SASS6: variants seen among roughly 807,000 people sequenced by gnomAD.
The protein encoded by SASS6 is spindle assembly abnormal protein 6 homolog.
A neutral mutation model predicts 94.9 loss-of-function variants in SASS6; 59 were observed. The ratio of observed to expected loss-of-function variants is 0.62; its 90% CI spans 0.50 to 0.77. The LOEUF is 0.77. Ranked by LOEUF, SASS6 falls within the 30% of genes least tolerant of loss-of-function variation. SASS6 has a pLI of 0.00. For synonymous variants in SASS6, 264 were observed against 270.0 expected (o/e 0.98, Z 0.22); for missense variants, 698 against 734.1 (o/e 0.95, Z 0.57).
At chr1:100,114,379 T>C (rs1206675560) in intron 7 of SASS6, among the ~76,000 whole-genome samples, 1 of 151,862 alleles carries the variant, frequency 6.6e-6, no homozygotes, top group African/African-American at 2.4e-5. Context: ...ATGTCACTTA[T>C]GAATATAAAT....
chr1:100,123,224 C>T lies in SASS6; in HGVS notation c.192G>A (p.Glu64=). The T allele has an allele frequency of 6.9e-7, 1 of 1,454,820 alleles. No homozygotes were observed. The highest frequency in any genetic ancestry group is 9.5e-7 in the Non-Finnish European group (1 of 1,052,116). 90.1% of individuals were successfully genotyped at this position (1,454,820 alleles called of 1,614,324 possible). The part of the protein sequence containing the change: ...PFFLYNLVIS[E]EDFQSLKFQQ... ...AATTTAGTTACCTTTGAAAATCTTC[C>T]TCAGATATAACAAGGTTATATAAAA... is the stretch of plus-strand genomic sequence containing the variant. The change falls in exon 3 of 17, where the codon GAG becomes GAA. Residue 64 remains glutamate, a synonymous_variant. Coordinates refer to ENST00000287482, the MANE Select transcript of SASS6 (RefSeq NM_194292.3).
At chr1:100,092,921 A>C (rs1261860335) in intron 14 of SASS6, among the ~76,000 whole-genome samples, 1 of 152,118 alleles carries the variant, frequency 6.6e-6, no homozygotes, top group Non-Finnish European at 1.5e-5. Flanking sequence ...CAAAAATTAT[A>C]GATTGTCTGA....
intron 13 of SASS6, 50 bp downstream of exon 13, chr1:100,105,717 T>C (rs772312049): frequency 3.8e-6 from 6 of 1,569,994 alleles, no homozygotes; most frequent in Admixed American, 1.8e-5. Context: ...GGAAATACTT[T>C]TGTTTCAGGA....
Position 100,122,390 on chromosome 1 carries a change from CT to C in SASS6, c.300del (p.Glu101LysfsTer9). 6.8e-7 allele frequency: 1 copy of C among 1,468,484 alleles called. No individual in the cohort carries two copies. The highest frequency in any genetic ancestry group is 2.3e-5 in the East Asian group (1 of 43,816). The allele number at this position is 1,468,484 out of a possible 1,614,324, so 91.0% of individuals were successfully genotyped here. A position where few individuals can be genotyped will look rare whatever the true frequency, so the allele number is the denominator to read the frequency against. On this transcript the variant is annotated frameshift_variant, in exon 4 of 17. Transcript: ENST00000287482. LOFTEE classifies it high-confidence loss of function. ...TCTCATGCAACTTACCTTGGAATTTCTTTGGCATGTTCTTGAGTACATTGCT... is the reference window on the plus strand; with the variant it reads ...TCTCATGCAACTTACCTTGGAATTTCTTGGCATGTTCTTGAGTACATTGCT... ...LLQQCTQEHA[K>X]EIPRFLLQLV...
chr1:100,107,032 A>ATTTTT, intron 11 of SASS6, 39 bp from the exon 12 acceptor site: 1 of 864,534 alleles, frequency 1.2e-6, no homozygotes, highest in African/African-American at 1.7e-5. Flanking sequence ...CAAGCAAAAT[A>ATTTTT]AAGGTTAAAT....
At chr1:100,130,636 C>T (rs1654934073) in intron 1 of SASS6, among the ~76,000 whole-genome samples, 2 of 148,396 alleles carry the variant, frequency 1.3e-5, no homozygotes. Context: ...CTGCAGTGAG[C>T]TGTAATCGTG....
intron 1 of SASS6, 141 bp downstream of exon 1, chr1:100,132,609 C>T (rs763192120): frequency 1.2e-5 from 9 of 756,890 alleles, no homozygotes; most frequent in African/African-American, 3.5e-5. Context: ...CCACCGGGCC[C>T]TCTGGGTTCC....
chr1:100,105,915 G>T lies in SASS6; in HGVS notation c.1409-12C>A, dbSNP rs768670143. The T allele has an allele frequency of 6.4e-7, 1 of 1,556,950 alleles. No individual in the cohort carries two copies. The highest frequency in any genetic ancestry group is 8.8e-7 in the Non-Finnish European group (1 of 1,141,640). On this transcript the variant is annotated splice_polypyrimidine_tract_variant and intron_variant, in intron 12 of 16. Coordinates refer to ENST00000287482, the MANE Select transcript of SASS6 (RefSeq NM_194292.3). The stretch of plus-strand genomic sequence containing the variant: ...TAACCACGTGATTACTTAAATAAAA[G>T]AACAAGAAGCAAGGTAAAGAATATT...
intron 13 of SASS6, 88 bp from the exon 14 acceptor site, chr1:100,103,171 A>G: frequency 1.3e-6 from 1 of 767,060 alleles, no homozygotes; most frequent in Non-Finnish European, 2.1e-6. Context: ...ATCTGTTATA[A>G]TAACTAATAA....
At chr1:100,092,098 C>T (rs1025075675) in intron 14 of SASS6, among the ~76,000 whole-genome samples, 1 of 150,252 alleles carries the variant, frequency 6.7e-6, no homozygotes, top group African/African-American at 2.4e-5. Flanking sequence ...CTTAGTAAAC[C>T]CCCAAAAGGA....
chr1:100,126,132 G>A (rs1013193621), intron 1 of SASS6, among the ~76,000 whole-genome samples, 190 bp from the exon 2 acceptor site: 1 of 152,198 alleles, frequency 6.6e-6, no homozygotes, highest in African/African-American at 2.4e-5. Context: ...GAGTAATCTA[G>A]CAGTGTTTAA....
intron 12 of SASS6, 51 bp from the exon 13 acceptor site, chr1:100,105,954 T>C (rs1652868708): frequency 8.1e-7 from 1 of 1,231,990 alleles, no homozygotes; most frequent in African/African-American, 1.5e-5. Flanking sequence ...TGTTTATTTT[T>C]CTAATCATCT....
chr1:100,094,894 A>G (rs1344531222), intron 14 of SASS6, among the ~76,000 whole-genome samples: 1 of 151,898 alleles, frequency 6.6e-6, no homozygotes, highest in East Asian at 1.9e-4. Context: ...AAAGAAACAA[A>G]AAGTAAATTA....
chr1:100,096,638 G>A (rs920478235), intron 14 of SASS6, among the ~76,000 whole-genome samples: 1 of 152,096 alleles, frequency 6.6e-6, no homozygotes, highest in African/African-American at 2.4e-5. Context: ...TCATATACTT[G>A]ATAAAGGACT....
intron 14 of SASS6, among the ~76,000 whole-genome samples, chr1:100,095,430 G>A (rs1652041409): frequency 6.6e-6 from 1 of 152,180 alleles, no homozygotes; most frequent in Admixed American, 6.5e-5. Context: ...TTACTAGGGA[G>A]GCTGAGGTAG....
Position 100,105,770 on chromosome 1 carries a change from A to C in SASS6, c.1542T>G (p.Asn514Lys). The change falls in exon 13 of 17, where the codon AAT (asparagine) becomes AAG (lysine). Residue 514 changes from asparagine to lysine, a missense_variant. Transcript: ENST00000287482. ...CACATCTTGTTTTAAATCTTACCAC[A>C]TTCAGGTTAGGAGAAATTCCACTTC... ...TIRSGISPNL[N>K]VVDGRLTYPT... is the part of the protein sequence containing the mutation. 6.2e-7 allele frequency: 1 copy of C among 1,610,992 alleles called. No individual in the cohort carries two copies. Among genetic ancestry groups the C allele is most frequent in the Non-Finnish European group, 8.5e-7 (1 of 1,178,984 alleles).
rs1054014350 is a variant in SASS6, at chr1:100,105,818, T to C, written c.1494A>G (p.Ala498=). 2.5e-6 allele frequency: 4 copies of C among 1,613,392 alleles called. No homozygotes were observed. The African/African-American group carries it at 5.3e-5, about 22-fold the overall frequency. The change falls in exon 13 of 17, where the codon GCA becomes GCG. Residue 498 remains alanine, a synonymous_variant. Transcript: ENST00000287482. ...TTCTGATTGTGTTGCTGCTGGAATG[T>C]GCAGGCGGAGTAGTAGAAGGTCCCA... ...DVLGPSTTPP[A]HSSSNTIRSG...
chr1:100,109,127 A>G (rs1653122153), intron 8 of SASS6, among the ~76,000 whole-genome samples: 1 of 152,078 alleles, frequency 6.6e-6, no homozygotes. Flanking sequence ...AAATCAGAGC[A>G]TTATACTGAA....
At chr1:100,119,254 G>T in intron 6 of SASS6, 117 bp from the exon 7 acceptor site, 1 of 512,150 alleles carries the variant, frequency 2.0e-6, no homozygotes, top group Non-Finnish European at 3.1e-6. Context: ...AGCTTTTCAG[G>T]ACATGTTCAA....
Sources: allele counts gnomAD v4.1 joint callset (sites outside exome capture counted in the v4.1 genomes callset), GRCh38; gene constraint gnomAD v4.1.1; transcripts MANE v1.5; gene names NCBI Gene and HGNC (gene_info 2026-07-23, HGNC 2026-07-21).